AFF3: variants seen among roughly 807,000 people sequenced by gnomAD.
AFF3 encodes the protein ALF transcription elongation factor 3.
A neutral mutation model predicts 129.7 loss-of-function variants in AFF3; 32 were observed. The observed-to-expected ratio is 0.25, with a 90% CI of 0.19 to 0.33. The LOEUF (loss-of-function observed/expected upper bound fraction) is 0.33. AFF3 is among the 10% of genes least tolerant of loss of function. The pLI, the probability that AFF3 is intolerant of heterozygous loss-of-function variation, is 1.00. For synonymous variants in AFF3, 644 were observed against 635.4 expected (o/e 1.01, Z -0.20); for missense variants, 1,373 against 1,592.0 (o/e 0.86, Z 2.34).
chr2:99,836,531 T>G (rs1170982310), intron 8 of AFF3, among the ~76,000 whole-genome samples: 1 of 152,144 alleles, frequency 6.6e-6, no homozygotes, highest in East Asian at 1.9e-4. Context: ...TCTGGTCAAC[T>G]TGAGACTTAG....
At chr2:99,855,490 A>G (rs1690457773) in intron 7 of AFF3, among the ~76,000 whole-genome samples, 1 of 152,180 alleles carries the variant, frequency 6.6e-6, no homozygotes, top group Non-Finnish European at 1.5e-5. Flanking sequence ...ACCTTGATGG[A>G]GTATGTCAAA....
At chr2:99,631,314 T>C (rs1415521858) in intron 13 of AFF3, among the ~76,000 whole-genome samples, 1 of 152,214 alleles carries the variant, frequency 6.6e-6, no homozygotes, top group Non-Finnish European at 1.5e-5. Context: ...TTTGTCCCCA[T>C]CTGCCTATCA....
intron 9 of AFF3, among the ~76,000 whole-genome samples, chr2:99,744,499 T>C (rs1395484066): frequency 3.3e-5 from 5 of 152,200 alleles, no homozygotes; most frequent in African/African-American, 1.2e-4. Context: ...TCCATCACTC[T>C]GAAGTCAAAT....
chr2:100,139,235 C>G (rs1278836425), intron 1 of AFF3, among the ~76,000 whole-genome samples: 1 of 152,182 alleles, frequency 6.6e-6, no homozygotes, highest in East Asian at 1.9e-4. Context: ...TATCCATGGT[C>G]TCCACATTGC....
intron 10 of AFF3, among the ~76,000 whole-genome samples, chr2:99,731,197 A>G (rs1038018769): frequency 6.6e-6 from 1 of 152,104 alleles, no homozygotes; most frequent in African/African-American, 2.4e-5. Flanking sequence ...GCCTCAAGTA[A>G]TCTGCCCTCC....
chr2:99,740,755 T>G (rs1403950212), intron 10 of AFF3, among the ~76,000 whole-genome samples: 2 of 150,590 alleles, frequency 1.3e-5, no homozygotes, highest in South Asian at 4.2e-4. Flanking sequence ...TTTCTCCCAT[T>G]TTGTAGGTTG....
intron 4 of AFF3, among the ~76,000 whole-genome samples, chr2:100,061,868 G>GGA (rs1687314842): frequency 6.8e-6 from 1 of 147,796 alleles, no homozygotes; most frequent in Non-Finnish European, 1.5e-5. Flanking sequence ...GGGGGGGGGG[G>GGA]TGCCGACTCT....
intron 8 of AFF3, among the ~76,000 whole-genome samples, chr2:99,800,121 T>C (rs1275858031): frequency 1.3e-5 from 2 of 152,176 alleles, no homozygotes; most frequent in African/African-American, 4.8e-5. Flanking sequence ...GAAAGACATG[T>C]CTTTACAATC....
At chr2:99,573,310 G>A (rs1195958329) in intron 18 of AFF3, among the ~76,000 whole-genome samples, 1 of 151,944 alleles carries the variant, frequency 6.6e-6, no homozygotes, top group East Asian at 1.9e-4. Context: ...GTTTTGGTTA[G>A]AACAAAAGAA....
chr2:99,976,313 G>A (rs1678884290), intron 7 of AFF3, among the ~76,000 whole-genome samples: 1 of 151,896 alleles, frequency 6.6e-6, no homozygotes, highest in Non-Finnish European at 1.5e-5. Flanking sequence ...TGTAAAATGT[G>A]TCACTTTCAT....
chr2:99,897,067 T>C (rs1049470980), intron 7 of AFF3, among the ~76,000 whole-genome samples: 3 of 152,192 alleles, frequency 2.0e-5, no homozygotes, highest in Admixed American at 6.5e-5. Context: ...TTTAATTGTA[T>C]TGTGAAGGCT....
intron 7 of AFF3, among the ~76,000 whole-genome samples, chr2:99,900,553 T>C (rs1694272323): frequency 6.6e-6 from 1 of 152,134 alleles, no homozygotes; most frequent in Admixed American, 6.5e-5. Flanking sequence ...ACAACGTTTT[T>C]CAGGGTCCCA....
At chr2:100,020,394 C>T (rs1377004415) in intron 4 of AFF3, among the ~76,000 whole-genome samples, 8 of 152,038 alleles carry the variant, frequency 5.3e-5, no homozygotes, top group Non-Finnish European at 1.2e-4. Context: ...TCATTCCTTG[C>T]TTTCAGGTGC....
intron 4 of AFF3, among the ~76,000 whole-genome samples, chr2:100,024,049 G>A (rs1402551249): frequency 6.7e-6 from 1 of 149,720 alleles, no homozygotes; most frequent in Non-Finnish European, 1.5e-5. Context: ...TGGCTAACAC[G>A]GTGAAACCCT....
chr2:99,839,617 C>T (rs1036868440), intron 7 of AFF3, among the ~76,000 whole-genome samples: 1 of 143,548 alleles, frequency 7.0e-6, no homozygotes, highest in African/African-American at 2.6e-5. Flanking sequence ...TTCTTTCTTT[C>T]TTTTTTTTTT....
At chr2:99,715,547 A>G (rs1678296085) in intron 11 of AFF3, among the ~76,000 whole-genome samples, 1 of 152,112 alleles carries the variant, frequency 6.6e-6, no homozygotes, top group Admixed American at 6.6e-5. Context: ...TGAGCTTATA[A>G]TAGTTTCCAA....
At chr2:100,102,432 G>C (rs2666334) in intron 4 of AFF3, among the ~76,000 whole-genome samples, 6 of 152,326 alleles carry the variant, frequency 3.9e-5, no homozygotes, top group South Asian at 4.1e-4. Context: ...TCGATGCACT[G>C]ATTAAAATGT....
chr2:99,584,325 G>A (rs937087129), intron 16 of AFF3, among the ~76,000 whole-genome samples: 2 of 152,034 alleles, frequency 1.3e-5, no homozygotes, highest in African/African-American at 4.8e-5. Flanking sequence ...AAAATTAGCC[G>A]GGTGTGGTGG....
intron 13 of AFF3, among the ~76,000 whole-genome samples, chr2:99,622,971 T>C (rs1682178034): frequency 6.6e-6 from 1 of 152,152 alleles, no homozygotes; most frequent in Non-Finnish European, 1.5e-5. Flanking sequence ...CCTTGCTTTT[T>C]TCCACTGCAG....
Sources: gnomAD v4.1 joint callset for allele counts (sites outside exome capture counted in the v4.1 genomes callset) on GRCh38, gnomAD v4.1.1 for gene constraint, MANE v1.5 for transcripts, NCBI Gene and HGNC (gene_info 2026-07-23, HGNC 2026-07-21) for gene names.